The following NRG3 variants were observed in gnomAD, a reference collection of about 807,000 sequenced individuals.
NRG3 encodes pro-neuregulin-3, membrane-bound isoform.
In NRG3, 31 loss-of-function variants were observed where a neutral mutation model predicts 66.9. That is an observed-to-expected ratio of 0.46 (90% CI 0.35 to 0.63). The LOEUF (loss-of-function observed/expected upper bound fraction) is 0.63, where lower values mean the gene tolerates loss of function less well. NRG3 is among the 20% of genes least tolerant of loss of function. The pLI is 0.00. For synonymous variants in NRG3, 393 were observed against 359.4 expected, an observed-to-expected ratio of 1.09 and a Z score of -1.06; for missense variants, 910 against 878.9, an observed-to-expected ratio of 1.04 and a Z score of -0.45.
At chr10:82,734,323 A>T (rs1473193122) in intron 2 of NRG3, among the ~76,000 whole-genome samples, 1 of 152,006 alleles carries the variant, frequency 6.6e-6, no homozygotes, top group Admixed American at 6.5e-5. Context: ...AGCTCCAAGG[A>T]TGTCAAGAGT....
intron 1 of NRG3, among the ~76,000 whole-genome samples, chr10:81,996,791 C>G (rs1005730721): frequency 6.6e-6 from 1 of 152,048 alleles, no homozygotes; most frequent in Non-Finnish European, 1.5e-5. Flanking sequence ...GTATATGCAA[C>G]ACAGATGCAT....
chr10:82,419,438 C>A (rs1309170114), intron 2 of NRG3, among the ~76,000 whole-genome samples: 1 of 152,278 alleles, frequency 6.6e-6, no homozygotes, highest in South Asian at 2.1e-4. Flanking sequence ...AACACAACCT[C>A]GTTTTATAAA....
intron 6 of NRG3, among the ~76,000 whole-genome samples, chr10:82,969,616 A>G (rs1851546611): frequency 6.6e-6 from 1 of 152,228 alleles, no homozygotes; most frequent in Admixed American, 6.5e-5. Context: ...CATTACTGCC[A>G]CTATGTGGCT....
chr10:82,279,360 A>G (rs539319343), intron 1 of NRG3, among the ~76,000 whole-genome samples: 2 of 152,176 alleles, frequency 1.3e-5, no homozygotes, highest in Non-Finnish European at 2.9e-5. Context: ...ACTTGTTTGC[A>G]ATCCTTTTTT....
At chr10:81,881,876 T>A (rs914405331) in intron 1 of NRG3, among the ~76,000 whole-genome samples, 11 of 152,060 alleles carry the variant, frequency 7.2e-5, no homozygotes, top group South Asian at 4.1e-4. Flanking sequence ...AGCGAAGGAA[T>A]CCGTATGCAG....
intron 1 of NRG3, among the ~76,000 whole-genome samples, chr10:82,301,686 C>CTATATATATAGA (rs369431869): frequency 7.3e-6 from 1 of 137,700 alleles, no homozygotes; most frequent in Admixed American, 7.4e-5. Flanking sequence ...ACATATATTC[C>CTATATATATAGA]TATATATATA....
chr10:82,240,548 TTCAA>T (rs1178145168), intron 1 of NRG3, among the ~76,000 whole-genome samples: 1 of 152,154 alleles, frequency 6.6e-6, no homozygotes, highest in Non-Finnish European at 1.5e-5. Context: ...AAAAAGACTT[TTCAA>T]TCAGTCACTC....
chr10:81,944,132 C>T (rs1450322643), intron 1 of NRG3, among the ~76,000 whole-genome samples: 4 of 152,212 alleles, frequency 2.6e-5, no homozygotes, highest in Non-Finnish European at 4.4e-5. Context: ...TTTTTAACTT[C>T]AGACCTGAGA....
chr10:82,294,861 G>A (rs1354416346), intron 1 of NRG3, among the ~76,000 whole-genome samples: 1 of 152,110 alleles, frequency 6.6e-6, no homozygotes, highest in African/African-American at 2.4e-5. Context: ...CAATAGCCTT[G>A]TGGTTCCATT....
intron 1 of NRG3, among the ~76,000 whole-genome samples, chr10:82,117,256 C>T (rs1333911871): frequency 6.6e-6 from 1 of 152,108 alleles, no homozygotes; most frequent in African/African-American, 2.4e-5. Context: ...TTGTACCATA[C>T]CTTGAGTGTC....
At chr10:82,321,115 T>C (rs2081544933) in intron 1 of NRG3, among the ~76,000 whole-genome samples, 1 of 152,228 alleles carries the variant, frequency 6.6e-6, no homozygotes, top group Admixed American at 6.5e-5. Flanking sequence ...AAAATAGCAC[T>C]GTAACATGCC....
chr10:82,811,487 A>G (rs931797802), intron 3 of NRG3, among the ~76,000 whole-genome samples: 1 of 152,098 alleles, frequency 6.6e-6, no homozygotes, highest in African/African-American at 2.4e-5. Context: ...GATATCAGTG[A>G]CCCATTTGGC....
chr10:82,297,813 A>G (rs2080161727), intron 1 of NRG3, among the ~76,000 whole-genome samples: 2 of 152,112 alleles, frequency 1.3e-5, no homozygotes, highest in African/African-American at 4.8e-5. Context: ...TTTTCCTTCA[A>G]GAAGTTCATA....
intron 2 of NRG3, among the ~76,000 whole-genome samples, chr10:82,456,708 A>G (rs988711680): frequency 6.6e-6 from 1 of 152,178 alleles, no homozygotes; most frequent in Non-Finnish European, 1.5e-5. Context: ...TTTAATACAT[A>G]GAAACAAAAT....
intron 1 of NRG3, among the ~76,000 whole-genome samples, chr10:82,285,337 G>A (rs916406573): frequency 1.3e-5 from 2 of 152,234 alleles, no homozygotes; most frequent in Admixed American, 1.3e-4. Context: ...AGGAATCGGG[G>A]CATTTTCATT....
intron 1 of NRG3, among the ~76,000 whole-genome samples, chr10:82,097,167 T>A (rs1267648406): frequency 6.6e-6 from 1 of 151,982 alleles, no homozygotes; most frequent in Non-Finnish European, 1.5e-5. Context: ...TTTGGCTTTT[T>A]CAGAATGTCA....
chr10:81,923,811 T>C (rs1589470788), intron 1 of NRG3, among the ~76,000 whole-genome samples: 1 of 152,232 alleles, frequency 6.6e-6, no homozygotes, highest in African/African-American at 2.4e-5. Context: ...TTGTACTGTA[T>C]GACGTTTGCA....
At chr10:82,027,095 A>G (rs7068239) in intron 1 of NRG3, among the ~76,000 whole-genome samples, 146,405 of 152,116 alleles carry the variant, frequency 0.96, 70,501 homozygotes, top group African/African-American at 0.99. Context: ...TCAATTTTCT[A>G]GGCATCCTTT....
In NRG3 at chr10:82,523,035, T is replaced by C. The variant is rs564487508; in HGVS notation, c.953+164167T>C. On this transcript the variant is annotated intron_variant, in intron 2 of 8. Transcript: ENST00000372141. ...GAATCATGAACTGTGTACACCTTTG[T>C]GACTTGCTTCTTTCTCTTAGCATGA... 2.0e-5 allele frequency among the ~76,000 whole-genome samples: 3 copies of C among 152,358 alleles called. 1 individual carries two copies. In the South Asian group the frequency reaches 6.2e-4, roughly 32 times the overall value.
Sources: allele counts gnomAD v4.1 joint callset (sites outside exome capture counted in the v4.1 genomes callset), GRCh38; gene constraint gnomAD v4.1.1; transcripts MANE v1.5; gene names NCBI Gene and HGNC (gene_info 2026-07-23, HGNC 2026-07-21).